Variants in STAB1 observed in about 807,000 individuals in gnomAD.
STAB1 encodes stabilin 1.
A neutral mutation model predicts 332.4 loss-of-function variants in STAB1; 250 were observed. The observed-to-expected ratio is 0.75, with a 90% CI of 0.68 to 0.84. The LOEUF is 0.84. Ranked by LOEUF, STAB1 falls within the 40% of genes least tolerant of loss-of-function variation. STAB1 has a pLI of 0.00. For synonymous variants in STAB1, 1,475 were observed against 1,390.4 expected (o/e 1.06, Z -1.35); for missense variants, 3,249 against 3,489.7 (o/e 0.93, Z 1.74).
At chr3:52,504,391 C>T in intron 10 of STAB1, 70 bp from the exon 11 acceptor site, 3 of 1,548,444 alleles carry the variant, frequency 1.9e-6, no homozygotes, top group Non-Finnish European at 2.7e-6. Context: ...AGGTCTGATG[C>T]CCGAACATCT....
In STAB1 at chr3:52,505,750, G is replaced by A. The variant is rs766340078; in HGVS notation, c.1664G>A (p.Arg555His). 15 of 1,613,754 alleles carry A rather than the reference G, an allele frequency of 9.3e-6. No homozygotes were observed. Among genetic ancestry groups the A allele is most frequent in the South Asian group, 1.1e-5 (1 of 91,088 alleles). ...AGCAATGAGGCTGTGGACAGCTTGCGTGACGGCCGCCTGATCTACCTCTTC... is the reference window on the plus strand; with the variant it reads ...AGCAATGAGGCTGTGGACAGCTTGCATGACGGCCGCCTGATCTACCTCTTC... ...APSNEAVDSL[R>H]DGRLIYLFTA... is the part of the protein sequence containing the mutation. Residue 555 changes from arginine to histidine, a missense_variant, in exon 15 of 69, where the codon CGT becomes CAT. By Grantham distance (29) the Arg-to-His change is conservative. Coordinates refer to ENST00000321725, the MANE Select transcript of STAB1 (RefSeq NM_015136.3).
rs764897394 is a variant in STAB1 at position 52,506,719 on chromosome 3, G to T, written c.1858G>T (p.Val620Phe). ...GCGCATCCTGCTGGGACCCGAGGGG[G>T]TCCCGCTGCAGAGGGTAGACGTGAT... ...EGRILLGPEG[V>F]PLQRVDVMAA... Residue 620 changes from valine (V) to phenylalanine (F), a missense_variant, in exon 18 of 69, where the codon GTC becomes TTC. Physicochemically the swap from Val to Phe is conservative, Grantham distance 50. Transcript: ENST00000321725. 13 of 1,612,342 alleles carry T rather than the reference G, an allele frequency of 8.1e-6. No homozygotes were observed. The Admixed American group carries it at 1.7e-4, about 21-fold the overall frequency.
At position 52,519,771 on chromosome 3, in the gene STAB1, C is replaced by T. The variant is rs72947530; in HGVS notation, c.5236-173C>T. The T allele has an allele frequency of 6.4e-3, 7,217 of 1,135,590 alleles. 354 individuals carry two copies. In the African/African-American group the frequency reaches 0.1, roughly 16 times the overall value. 70.3% of individuals were successfully genotyped at this position (1,135,590 alleles called of 1,614,324 possible). On this transcript the variant is annotated intron_variant, in intron 50 of 68. Transcript: ENST00000321725. ...GGTGTGCTTATGTGTGCCCACATTC[C>T]TGACAGCAGTGTGCACAGTTGAGAT...
In STAB1 at chr3:52,514,379, G is replaced by A. The variant is rs1709518994; in HGVS notation, c.3561G>A (p.Val1187=). The A allele has an allele frequency of 3.9e-6, 6 of 1,548,174 alleles. No homozygotes were observed. In the African/African-American group the frequency reaches 4.1e-5, roughly 11 times the overall value. The change falls in exon 34 of 69, where the codon GTG becomes GTA. Residue 1187 remains valine (V), a synonymous_variant. Transcript: ENST00000321725. ...GNSSHLDADT[V]RHHVVLGEAL... is the part of the protein sequence containing the mutation. ...TTCTCTTCCAGGACGCAGACACAGT[G>A]CGGCACCATGTGGTCCTGGGGGAGG...
intron 10 of STAB1, 37 bp from the exon 11 acceptor site, chr3:52,504,424 C>T (rs1578366593): frequency 6.2e-7 from 1 of 1,607,798 alleles, no homozygotes; most frequent in East Asian, 2.2e-5. Context: ...AGAGTCTCCC[C>T]AGCTCCCTTC....
rs777730104 is a variant in STAB1 at position 52,520,665 on chromosome 3, G to T, written c.5673G>T (p.Leu1891=). 2.5e-6 allele frequency: 4 copies of T among 1,612,800 alleles called. No homozygotes were observed. The East Asian group carries it at 8.9e-5, about 36-fold the overall frequency. The stretch of plus-strand genomic sequence containing the variant: ...AGAACACCTGCAGCATCTGTGGGCT[G>T]GAGCCACCCTGTCCTGAGGGGTCAC... ...LRLNTCSICG[L]EPPCPEGSQE... The change falls in exon 54 of 69, where the codon CTG becomes CTT. Residue 1891 remains leucine (L), a synonymous_variant. Transcript: ENST00000321725.
At position 52,524,367 on chromosome 3, in the gene STAB1, G is replaced by C. The variant is rs1299458870; in HGVS notation, c.*11G>C. On this transcript the variant is annotated 3_prime_UTR_variant, in exon 69 of 69. Transcript: ENST00000321725. ...CTCACAGTCAAGTGACGAGGCTGGG[G>C]CTGAAAGCAGAAGCATGCACAGGGA... 2 of 1,613,672 alleles carry C rather than the reference G, an allele frequency of 1.2e-6. No individual in the cohort carries two copies. The highest frequency in any genetic ancestry group is 1.7e-6 in the Non-Finnish European group (2 of 1,179,982).
At chr3:52,508,551 A>G in intron 21 of STAB1, 192 bp downstream of exon 21, 1 of 637,160 alleles carries the variant, frequency 1.6e-6, no homozygotes, top group Non-Finnish European at 2.9e-6. Context: ...GCCAGGTGCA[A>G]TGTCTCATGC....
At chr3:52,516,266 G>GGGGGGGGGGGGGGCGCC in intron 38 of STAB1, 28 bp downstream of exon 38, 1 of 794,432 alleles carries the variant, frequency 1.3e-6, no homozygotes, top group Non-Finnish European at 2.2e-6. Flanking sequence ...GCGGGGGTGG[G>GGGGGGGGGGGGGGCGCC]CCTCCTGGCA....
intron 4 of STAB1, 22 bp downstream of exon 4, chr3:52,502,113 G>A (rs959382728): frequency 1.9e-6 from 3 of 1,613,652 alleles, no homozygotes; most frequent in Non-Finnish European, 2.5e-6. Context: ...GCAAGGTGGG[G>A]TGGAGGCTCA....
At chr3:52,509,619 GAC>G in intron 22 of STAB1, 2 of 598,088 alleles carry the variant, frequency 3.3e-6, no homozygotes, top group Non-Finnish European at 5.9e-6. Flanking sequence ...ACTTAGGTCA[GAC>G]ACACTGAAGA....
chr3:52,509,119 A>T, intron 21 of STAB1, 91 bp from the exon 22 acceptor site: 1 of 1,192,362 alleles, frequency 8.4e-7, no homozygotes, highest in Non-Finnish European at 1.2e-6. Context: ...GCAAGAGCTC[A>T]GAGCCAGCCC....
At position 52,510,215 on chromosome 3, in the gene STAB1, C is replaced by A. The variant is rs141756234; in HGVS notation, c.2608C>A (p.Arg870Ser). The A allele has an allele frequency of 9.3e-6, 15 of 1,614,026 alleles. No individual in the cohort carries two copies. The highest frequency in any genetic ancestry group is 1.2e-5 in the Non-Finnish European group (14 of 1,180,032). ...TAGCAACCCCTGCTCCCACCCGGAC[C>A]GTGGAGGCTGCTCAGAGAATGTCAG... ...TPSNPCSHPDRGGCSENAECV... is the reference protein window; with the variant it reads ...TPSNPCSHPDSGGCSENAECV... Residue 870 changes from arginine (R) to serine (S), a missense_variant, in exon 24 of 69, where the codon CGT (arginine) becomes AGT (serine). Transcript: ENST00000321725.
rs371977178 is a variant in STAB1, at chr3:52,520,391, T to C, written c.5500-9T>C. On this transcript the variant is annotated splice_polypyrimidine_tract_variant and intron_variant, in intron 52 of 68. Coordinates refer to ENST00000321725, the MANE Select transcript of STAB1 (RefSeq NM_015136.3). ...CGACCCTTGCATACCTCATATTCTC[T>C]CCTTGCAGGGTGAGCTCATGGTGGG... is the stretch of plus-strand genomic sequence containing the variant. The C allele has an allele frequency of 6.2e-7, 1 of 1,611,932 alleles. No individual in the cohort carries two copies. Among genetic ancestry groups the C allele is most frequent in the Non-Finnish European group, 8.5e-7 (1 of 1,179,114 alleles).
Position 52,522,586 on chromosome 3 carries a change from C to T in STAB1, c.6642C>T (p.Ala2214=). ...GGGCTGGCGTTTTCCACCTCCAGGCCACCAGCGGCCCTTATGGTCTGAACT... is the reference window on the plus strand; with the variant it reads ...GGGCTGGCGTTTTCCACCTCCAGGCTACCAGCGGCCCTTATGGTCTGAACT... The part of the protein sequence containing the change: ...EKRAGVFHLQ[A]TSGPYGLNFS... Residue 2214 remains alanine, a synonymous_variant, in exon 61 of 69, where the codon GCC becomes GCT. Transcript: ENST00000321725. The T allele has an allele frequency of 1.2e-6, 2 of 1,613,060 alleles. No homozygotes were observed. Among genetic ancestry groups the T allele is most frequent in the Non-Finnish European group, 1.7e-6 (2 of 1,180,040 alleles).
chr3:52,504,513 G>GCCATCCGTCTCCTCCTTCTC lies in STAB1; in HGVS notation c.1205_1224dup (p.Ser409HisfsTer11). The GCCATCCGTCTCCTCCTTCTC allele has an allele frequency of 1.2e-6, 2 of 1,614,086 alleles. No homozygotes were observed. Among genetic ancestry groups the GCCATCCGTCTCCTCCTTCTC allele is most frequent in the Non-Finnish European group, 1.7e-6 (2 of 1,180,024 alleles). On this transcript the variant is annotated frameshift_variant, in exon 11 of 69. Transcript: ENST00000321725. LOFTEE classifies it high-confidence loss of function. ...CAGCGGGCCCTTTCACCGTGCTGGT[G>GCCATCCGTCTCCTCCTTCTC]CCATCCGTCTCCTCCTTCTCCTCCA...
At chr3:52,505,856 A>G (rs1447888078) in intron 15 of STAB1, 27 bp from the exon 16 acceptor site, 2 of 1,613,970 alleles carry the variant, frequency 1.2e-6, no homozygotes, top group Non-Finnish European at 1.7e-6. Context: ...TTCCTCCAGG[A>G]GCCAAACCCT....
At chr3:52,517,194 G>A in intron 42 of STAB1, 85 bp downstream of exon 42, 1 of 1,506,948 alleles carries the variant, frequency 6.6e-7, no homozygotes, top group Middle Eastern at 1.8e-4. Flanking sequence ...GGGCTGAAGG[G>A]GCACATGGGA....
At chr3:52,504,604 T>G in intron 11 of STAB1, 55 bp downstream of exon 11, 1 of 1,612,222 alleles carries the variant, frequency 6.2e-7, no homozygotes, top group Non-Finnish European at 8.5e-7. Flanking sequence ...CTCCCCTGGA[T>G]GCATCCCCAG....
Sources: allele counts gnomAD v4.1 joint callset, GRCh38; gene constraint gnomAD v4.1.1; transcripts MANE v1.5; gene names NCBI Gene and HGNC (gene_info 2026-07-23, HGNC 2026-07-21).